The following IL1RAPL1 variants were observed in gnomAD, a reference collection of about 807,000 sequenced individuals.
IL1RAPL1 encodes interleukin 1 receptor accessory protein like 1, also known as interleukin-1 receptor accessory protein-like 1.
In IL1RAPL1, 3 loss-of-function variants were observed where a neutral mutation model predicts 48.4. The ratio of observed to expected loss-of-function variants is 0.06; its 90% confidence interval spans 0.03 to 0.16. IL1RAPL1 has a LOEUF of 0.16. IL1RAPL1 is among the 10% of genes least tolerant of loss of function. IL1RAPL1 has a pLI of 1.00. For missense variants in IL1RAPL1, 349 were observed against 530.6 expected (o/e 0.66, Z 3.36); for synonymous variants, 185 against 187.7 (o/e 0.99, Z 0.12).
intron 2 of IL1RAPL1, among the ~76,000 whole-genome samples, chrX:28,988,001 T>C (rs1415232494): frequency 8.9e-6 from 1 of 112,036 alleles, no homozygotes; most frequent in Non-Finnish European, 1.9e-5. Context: ...ATCAATACAA[T>C]GCAAATGCCC....
At chrX:29,471,837 T>C (rs1934925704) in intron 5 of IL1RAPL1, among the ~76,000 whole-genome samples, 1 of 111,691 alleles carries the variant, frequency 9.0e-6, no homozygotes, top group South Asian at 3.7e-4. Flanking sequence ...CTTTCACTTA[T>C]CATCAGGATT....
chrX:29,061,586 G>C (rs887546423), intron 2 of IL1RAPL1, among the ~76,000 whole-genome samples: 2 of 111,439 alleles, frequency 1.8e-5, no homozygotes, highest in Non-Finnish European at 3.8e-5. Context: ...AGCCTCCCAG[G>C]TAGCTGGTAT....
At chrX:29,691,511 A>G (rs889139603) in intron 6 of IL1RAPL1, among the ~76,000 whole-genome samples, 3 of 111,716 alleles carry the variant, frequency 2.7e-5, no homozygotes, top group Admixed American at 9.5e-5. Flanking sequence ...CGGGACCATA[A>G]TAAAGGTGCC....
chrX:29,449,381 TGA>T (rs1391375509), intron 5 of IL1RAPL1, among the ~76,000 whole-genome samples: 2 of 110,872 alleles, frequency 1.8e-5, no homozygotes, highest in East Asian at 5.7e-4. Context: ...TCTGAGTGAA[TGA>T]GAGAGTGAAG....
intron 2 of IL1RAPL1, among the ~76,000 whole-genome samples, chrX:29,191,209 A>G (rs1930346228): frequency 8.9e-6 from 1 of 111,952 alleles, no homozygotes; most frequent in African/African-American, 3.2e-5. Flanking sequence ...ATTGTGATGT[A>G]CATTAATTGA....
intron 2 of IL1RAPL1, among the ~76,000 whole-genome samples, chrX:29,181,956 CT>C (rs1405036071): frequency 6.3e-5 from 7 of 111,694 alleles, no homozygotes; most frequent in African/African-American, 2.3e-4. Context: ...TGGCAAACAA[CT>C]GCTAAAGCCC....
chrX:29,010,171 A>G (rs953073698), intron 2 of IL1RAPL1, among the ~76,000 whole-genome samples: 4 of 111,871 alleles, frequency 3.6e-5, no homozygotes, highest in African/African-American at 1.3e-4. Context: ...TCTTCTAGGT[A>G]GAGGACCATA....
At chrX:29,405,060 C>T (rs1378748728) in intron 5 of IL1RAPL1, among the ~76,000 whole-genome samples, 2 of 109,845 alleles carry the variant, frequency 1.8e-5, no homozygotes, top group Non-Finnish European at 3.8e-5. Context: ...ATTACAGACA[C>T]GTGCCACCAT....
At chrX:28,746,848 A>G (rs935945271) in intron 1 of IL1RAPL1, among the ~76,000 whole-genome samples, 5 of 111,681 alleles carry the variant, frequency 4.5e-5, no homozygotes, top group Non-Finnish European at 9.4e-5. Context: ...ACTTCAGTTC[A>G]TATGTCTGTT....
At chrX:28,682,483 AT>A (rs1467269254) in intron 1 of IL1RAPL1, among the ~76,000 whole-genome samples, 1 of 110,038 alleles carries the variant, frequency 9.1e-6, no homozygotes, top group Non-Finnish European at 1.9e-5. Flanking sequence ...TAATTTTTTT[AT>A]ATTTTTGGTA....
At chrX:29,705,438 C>T (rs1231834827) in intron 6 of IL1RAPL1, among the ~76,000 whole-genome samples, 1 of 112,128 alleles carries the variant, frequency 8.9e-6, no homozygotes, top group Non-Finnish European at 1.9e-5. Flanking sequence ...TGGCCTTAAA[C>T]TCCTGAGCGC....
At chrX:28,730,161 C>A (rs1186066987) in intron 1 of IL1RAPL1, among the ~76,000 whole-genome samples, 2 of 111,533 alleles carry the variant, frequency 1.8e-5, no homozygotes, top group Non-Finnish European at 3.8e-5. Context: ...ATTGCTCTCT[C>A]ATCTATTCCT....
intron 6 of IL1RAPL1, among the ~76,000 whole-genome samples, chrX:29,789,798 T>TTTTA (rs1491464024): frequency 6.6e-5 from 6 of 90,400 alleles, no homozygotes; most frequent in African/African-American, 2.5e-4. Context: ...TTTTTTTTTT[T>TTTTA]ATCTCAAAGT....
chrX:29,204,596 T>C (rs192723817), intron 2 of IL1RAPL1, among the ~76,000 whole-genome samples: 5 of 112,124 alleles, frequency 4.5e-5, no homozygotes, highest in Admixed American at 9.5e-5. Context: ...ACGCTCTTTG[T>C]CAAGTGATGT....
chrX:29,574,964 A>G (rs765100730), intron 5 of IL1RAPL1, among the ~76,000 whole-genome samples: 1 of 111,868 alleles, frequency 8.9e-6, no homozygotes, highest in South Asian at 3.8e-4. Flanking sequence ...TAAGTTCCTC[A>G]TCTTCATCTG....
At chrX:28,988,061 C>T (rs1601997974) in intron 2 of IL1RAPL1, among the ~76,000 whole-genome samples, 2 of 111,761 alleles carry the variant, frequency 1.8e-5, no homozygotes, top group South Asian at 3.7e-4. Context: ...CATGCTTATC[C>T]ACTTCTCATC....
chrX:28,675,301 G>A, intron 1 of IL1RAPL1, among the ~76,000 whole-genome samples: 1 of 111,717 alleles, frequency 9.0e-6, no homozygotes, highest in Non-Finnish European at 1.9e-5. Context: ...ATTTGTTGCT[G>A]CTAATCCTTC....
At chrX:29,872,703 C>T (rs753972332) in intron 6 of IL1RAPL1, among the ~76,000 whole-genome samples, 132 of 111,641 alleles carry the variant, frequency 1.2e-3, no homozygotes, top group African/African-American at 4.0e-3. Flanking sequence ...CTTCTTTTTG[C>T]CTCAATGAGC....
chrX:29,074,586 A>C (rs1440455117), intron 2 of IL1RAPL1, among the ~76,000 whole-genome samples: 3 of 112,205 alleles, frequency 2.7e-5, no homozygotes, highest in African/African-American at 9.7e-5. Context: ...GCTGTTCTTT[A>C]GACTTCTTTT....
Sources: allele counts gnomAD v4.1 joint callset (sites outside exome capture counted in the v4.1 genomes callset), GRCh38; gene constraint gnomAD v4.1.1; transcripts MANE v1.5; gene names NCBI Gene and HGNC (gene_info 2026-07-23, HGNC 2026-07-21).